Variants in SIPA1L3 observed in about 807,000 individuals in gnomAD.
SIPA1L3 encodes the protein signal induced proliferation associated 1 like 3, also known as signal-induced proliferation-associated 1-like protein 3.
A neutral mutation model predicts 150.1 loss-of-function variants in SIPA1L3; 59 were observed. That is an observed-to-expected ratio of 0.39 (90% CI 0.32 to 0.49). SIPA1L3 has a LOEUF of 0.49. Among genes scored for constraint, SIPA1L3 ranks in the 20% least tolerant of loss-of-function variants. The pLI is 0.86. For synonymous variants in SIPA1L3, 1,070 were observed against 1,077.6 expected, an observed-to-expected ratio of 0.99 and a Z score of 0.14; for missense variants, 2,211 against 2,489.5, an observed-to-expected ratio of 0.89 and a Z score of 2.38.
intron 1 of SIPA1L3, among the ~76,000 whole-genome samples, chr19:38,007,322 A>G (rs833893): frequency 0.76 from 115,510 of 151,774 alleles, 44,229 homozygotes; most frequent in East Asian, 0.97. Context: ...GCGTGATGGC[A>G]CGCACCTGTA....
At chr19:38,031,276 G>C (rs560248002) in intron 2 of SIPA1L3, among the ~76,000 whole-genome samples, 5 of 152,198 alleles carry the variant, frequency 3.3e-5, no homozygotes, top group Non-Finnish European at 5.9e-5. Flanking sequence ...ACACAACCCA[G>C]TACGATTAAC....
At chr19:38,146,246 A>G (rs1017885626) in intron 12 of SIPA1L3, among the ~76,000 whole-genome samples, 3 of 152,044 alleles carry the variant, frequency 2.0e-5, no homozygotes, top group Admixed American at 2.0e-4. Context: ...TGTCTTTTTC[A>G]CTCAGCAGAA....
intron 15 of SIPA1L3, among the ~76,000 whole-genome samples, chr19:38,173,051 G>A (rs545314543): frequency 9.2e-5 from 14 of 152,246 alleles, no homozygotes; most frequent in African/African-American, 2.2e-4. Flanking sequence ...GCAGTGAGCC[G>A]AGATCACATC....
chr19:38,017,854 A>T (rs1968273960), intron 1 of SIPA1L3, among the ~76,000 whole-genome samples: 1 of 152,084 alleles, frequency 6.6e-6, no homozygotes, highest in African/African-American at 2.4e-5. Context: ...TTGAACACTG[A>T]CAATCTCTGT....
intron 9 of SIPA1L3, 23 bp from the exon 10 acceptor site, chr19:38,130,475 T>G: frequency 6.3e-7 from 1 of 1,594,876 alleles, no homozygotes; most frequent in Non-Finnish European, 8.6e-7. Flanking sequence ...CTTCTGAGGC[T>G]CGATCCTGCC....
intron 1 of SIPA1L3, among the ~76,000 whole-genome samples, chr19:38,020,489 A>G (rs1968349114): frequency 6.6e-6 from 1 of 152,224 alleles, no homozygotes; most frequent in South Asian, 2.1e-4. Flanking sequence ...ATAGGCGTTC[A>G]GGAAGGGGCT....
intron 9 of SIPA1L3, among the ~76,000 whole-genome samples, chr19:38,128,712 C>T (rs190911745): frequency 5.5e-4 from 84 of 152,020 alleles, no homozygotes; most frequent in African/African-American, 2.0e-3. Flanking sequence ...GCCTGGCCAA[C>T]ATGGTAAAAC....
intron 1 of SIPA1L3, among the ~76,000 whole-genome samples, chr19:37,998,592 C>T (rs899896433): frequency 7.2e-5 from 11 of 152,022 alleles, no homozygotes; most frequent in African/African-American, 2.2e-4. Context: ...GATCAGCCTG[C>T]GCAACATAGC....
chr19:37,984,161 G>C (rs1429805396), intron 1 of SIPA1L3, among the ~76,000 whole-genome samples: 1 of 152,198 alleles, frequency 6.6e-6, no homozygotes, highest in Non-Finnish European at 1.5e-5. Flanking sequence ...CGCAGGGCGG[G>C]GCAGCGAGGC....
chr19:37,986,431 G>A (rs1273538704), intron 1 of SIPA1L3, among the ~76,000 whole-genome samples: 1 of 152,188 alleles, frequency 6.6e-6, no homozygotes, highest in African/African-American at 2.4e-5. Flanking sequence ...CTCCACACCA[G>A]CCCGGTTCTT....
At chr19:37,997,722 C>A (rs1002539822) in intron 1 of SIPA1L3, among the ~76,000 whole-genome samples, 6 of 151,874 alleles carry the variant, frequency 4.0e-5, no homozygotes, top group African/African-American at 1.5e-4. Flanking sequence ...CAAAAATTAT[C>A]TGGGCGCAGT....
intron 2 of SIPA1L3, among the ~76,000 whole-genome samples, chr19:38,065,907 T>TTATC (rs1223844979): frequency 5.9e-5 from 7 of 119,202 alleles, no homozygotes; most frequent in East Asian, 2.3e-4. Context: ...GATCTCTTAT[T>TTATC]TATTTATCTA....
chr19:38,147,231 T>C (rs1971719936), intron 12 of SIPA1L3, among the ~76,000 whole-genome samples: 1 of 151,934 alleles, frequency 6.6e-6, no homozygotes, highest in Admixed American at 6.6e-5. Flanking sequence ...CAGCTAATTT[T>C]TGTATTTTTA....
intron 9 of SIPA1L3, among the ~76,000 whole-genome samples, chr19:38,129,624 C>CA (rs35422625): frequency 0.098 from 9,424 of 96,110 alleles, 905 homozygotes; most frequent in African/African-American, 0.29. Flanking sequence ...GACTCTGTCT[C>CA]AAAAAAAAAA....
At chr19:38,002,610 G>T (rs1309429096) in intron 1 of SIPA1L3, among the ~76,000 whole-genome samples, 1 of 147,852 alleles carries the variant, frequency 6.8e-6, no homozygotes, top group East Asian at 2.0e-4. Flanking sequence ...GCGTGCGCCT[G>T]TAATCCCAGG....
At chr19:38,088,000 A>G (rs1473309137) in intron 3 of SIPA1L3, among the ~76,000 whole-genome samples, 1 of 152,174 alleles carries the variant, frequency 6.6e-6, no homozygotes, top group Non-Finnish European at 1.5e-5. Context: ...TCTGGACAAC[A>G]GTCTCAAAAA....
intron 8 of SIPA1L3, among the ~76,000 whole-genome samples, chr19:38,118,297 C>T (rs774859301): frequency 6.6e-5 from 10 of 150,472 alleles, no homozygotes; most frequent in Admixed American, 1.3e-4. Flanking sequence ...TGGTGGTGGG[C>T]GCCTGTAATC....
chr19:38,206,345 A>T lies in SIPA1L3; in HGVS notation c.*105A>T. 7.5e-7 allele frequency: 1 copy of T among 1,336,384 alleles called. No individual in the cohort carries two copies. The highest frequency in any genetic ancestry group is 1.0e-6 in the Non-Finnish European group (1 of 993,296). The allele number at this position is 1,336,384 out of a possible 1,614,324, so 82.8% of individuals were successfully genotyped here. On this transcript the variant is annotated 3_prime_UTR_variant, in exon 22 of 22. Transcript: ENST00000222345. ...GCTGCCGGTGTGACCAAGATGACCC[A>T]TCCAGGGCCCTCCCCATGGACACGG...
intron 1 of SIPA1L3, among the ~76,000 whole-genome samples, chr19:37,999,186 A>T (rs1967722729): frequency 6.6e-6 from 1 of 152,136 alleles, no homozygotes. Context: ...AACTGGACAG[A>T]TAGTGGATTT....
Sources: gnomAD v4.1 joint callset for allele counts (sites outside exome capture counted in the v4.1 genomes callset) on GRCh38, gnomAD v4.1.1 for gene constraint, MANE v1.5 for transcripts, NCBI Gene and HGNC (gene_info 2026-07-23, HGNC 2026-07-21) for gene names.